LMO7: variants seen among roughly 807,000 people sequenced by gnomAD.
The protein encoded by LMO7 is LIM domain 7.
A neutral mutation model predicts 206.5 loss-of-function variants in LMO7; 120 were observed. That is an observed-to-expected ratio of 0.58 (90% CI 0.50 to 0.68). The LOEUF is 0.68. Ranked by LOEUF, LMO7 falls within the 30% of genes least tolerant of loss-of-function variation. The pLI is 0.00. For synonymous variants in LMO7, 706 were observed against 681.5 expected, an observed-to-expected ratio of 1.04 and a Z score of -0.56; for missense variants, 1,959 against 1,957.9, an observed-to-expected ratio of 1.00 and a Z score of -0.01.
intron 19 of LMO7, 68 bp downstream of exon 19, chr13:75,836,525 A>G (rs2059138177): frequency 1.3e-6 from 1 of 789,382 alleles, no homozygotes; most frequent in Admixed American, 3.3e-5. Context: ...TTCTGCTGTT[A>G]TAAAAATTAA....
At chr13:75,709,922 A>T (rs1566334908) in intron 1 of LMO7, among the ~76,000 whole-genome samples, 1 of 152,086 alleles carries the variant, frequency 6.6e-6, no homozygotes, top group South Asian at 2.1e-4. Flanking sequence ...TAGGGTTTTT[A>T]TGGTTTTAGG....
intron 1 of LMO7, among the ~76,000 whole-genome samples, chr13:75,658,251 G>C (rs1449754501): frequency 6.6e-6 from 1 of 151,962 alleles, no homozygotes; most frequent in Non-Finnish European, 1.5e-5. Context: ...GTGTCAGATA[G>C]GTAGTGTATC....
chr13:75,624,692 G>C (rs961198586), intron 2 of LMO7, among the ~76,000 whole-genome samples: 1 of 152,194 alleles, frequency 6.6e-6, no homozygotes, highest in African/African-American at 2.4e-5. Context: ...CAAGAGAAGA[G>C]AGCTTGTGCA....
chr13:75,811,893 C>T lies in LMO7; in HGVS notation c.1946+2710C>T, dbSNP rs185552089. Among the ~76,000 whole-genome samples, 287 of 152,186 alleles carry T rather than the reference C, an allele frequency of 1.9e-3. 4 individuals carry two copies. Among genetic ancestry groups the T allele is most frequent in the Non-Finnish European group, 6.5e-4 (44 of 68,012 alleles). ...TGCCAGTATTAATAGGAAATGAACACTGATTTCACATGAAGTTGTAATAAA... is the reference window on the plus strand; with the variant it reads ...TGCCAGTATTAATAGGAAATGAACATTGATTTCACATGAAGTTGTAATAAA... On this transcript the variant is annotated intron_variant, in intron 11 of 30. Transcript: ENST00000377534.
chr13:75,758,268 G>T (rs1594767002), intron 3 of LMO7, among the ~76,000 whole-genome samples: 1 of 151,886 alleles, frequency 6.6e-6, no homozygotes, highest in East Asian at 1.9e-4. Flanking sequence ...TGTTGAGCTG[G>T]GTGTGGCTTC....
In LMO7 at chr13:75,853,233, A is replaced by G; in HGVS notation, c.4506A>G (p.Ser1502=). The G allele has an allele frequency of 6.2e-7, 1 of 1,613,928 alleles. No homozygotes were observed. Among genetic ancestry groups the G allele is most frequent in the East Asian group, 2.2e-5 (1 of 44,852 alleles). Residue 1502 remains serine, a synonymous_variant, in exon 28 of 31, where the codon TCA becomes TCG. Transcript: ENST00000377534. ...SRPPPQLVST[S]NRAYMRNPSS... is the part of the protein sequence containing the mutation. Reference sequence around the variant, plus strand: ...CACCACCTCAGCTGGTGTCCACATCAAACCGTGCCTACATGCGGAACCCCT... The same window carrying G: ...CACCACCTCAGCTGGTGTCCACATCGAACCGTGCCTACATGCGGAACCCCT...
intron 2 of LMO7, among the ~76,000 whole-genome samples, chr13:75,628,821 T>C (rs530705676): frequency 3.3e-5 from 5 of 152,330 alleles, no homozygotes; most frequent in Non-Finnish European, 5.9e-5. Context: ...CCTTCTTCCT[T>C]TACAACACAG....
intron 1 of LMO7, among the ~76,000 whole-genome samples, chr13:75,699,174 G>A (rs768431532): frequency 1.2e-4 from 19 of 152,110 alleles, no homozygotes; most frequent in Non-Finnish European, 2.8e-4. Context: ...CCTGATACAA[G>A]GAATGTGTTC....
chr13:75,778,577 C>G (rs1039099945), intron 4 of LMO7, among the ~76,000 whole-genome samples: 3 of 152,180 alleles, frequency 2.0e-5, no homozygotes, highest in African/African-American at 7.2e-5. Context: ...ATGTAAGCAC[C>G]GTAAGGCATA....
chr13:75,806,614 G>A (rs891933183), intron 9 of LMO7: 3 of 152,230 alleles, frequency 2.0e-5, no homozygotes, highest in African/African-American at 7.2e-5. Flanking sequence ...ATAACTTTCA[G>A]GTGGAGACTG....
intron 2 of LMO7, among the ~76,000 whole-genome samples, chr13:75,724,742 T>C (rs999092017): frequency 1.3e-5 from 2 of 152,178 alleles, no homozygotes; most frequent in Admixed American, 1.3e-4. Context: ...TAATTTTTGA[T>C]GATTCAAAAT....
rs763129663 is a variant in LMO7 at position 75,849,066 on chromosome 13, G to A, written c.4151-13G>A. On this transcript the variant is annotated splice_polypyrimidine_tract_variant and intron_variant, in intron 26 of 30. Transcript: ENST00000377534. ...GTACTAATCCCAAAGCTTTTGATTT[G>A]TTTTTAATTTAGGAAACAATAAATA... 1 of 1,510,144 alleles carries A rather than the reference G, an allele frequency of 6.6e-7. No homozygotes were observed. Among genetic ancestry groups the A allele is most frequent in the Non-Finnish European group, 9.2e-7 (1 of 1,090,854 alleles). The allele number at this position is 1,510,144 out of a possible 1,614,324, so 93.5% of individuals were successfully genotyped here.
chr13:75,842,089 G>A (rs573264716), intron 24 of LMO7, 106 bp downstream of exon 24: 3 of 785,322 alleles, frequency 3.8e-6, no homozygotes, highest in Middle Eastern at 3.8e-4. Flanking sequence ...CTCCACACAA[G>A]TGAATACAAG....
chr13:75,642,609 G>GTAAA (rs558800592), intron 1 of LMO7, among the ~76,000 whole-genome samples: 107 of 151,860 alleles, frequency 7.0e-4, no homozygotes, highest in Middle Eastern at 3.4e-3. Context: ...TCTTTAAAAA[G>GTAAA]TAAATAAATA....
At chr13:75,676,747 G>C (rs1041662820) in intron 1 of LMO7, among the ~76,000 whole-genome samples, 1 of 152,200 alleles carries the variant, frequency 6.6e-6, no homozygotes, top group South Asian at 2.1e-4. Flanking sequence ...GGAGTGCTAC[G>C]TAAATAAGTT....
At chr13:75,777,084 T>C (rs566623183) in intron 4 of LMO7, among the ~76,000 whole-genome samples, 17 of 152,334 alleles carry the variant, frequency 1.1e-4, no homozygotes, top group Admixed American at 4.6e-4. Flanking sequence ...CCACATCCGC[T>C]GTCCAGGTGT....
rs76708217 is a variant in LMO7 at position 75,771,725 on chromosome 13, G to C, written c.317+10687G>C. On this transcript the variant is annotated intron_variant, in intron 4 of 30. Coordinates refer to ENST00000377534, the MANE Select transcript of LMO7 (RefSeq NM_001306080.2). ...CTGGGAATAAGTGGTCTTTAAAAAA[G>C]AAAACATAACATGGGATATTATTTT... is the stretch of plus-strand genomic sequence containing the variant. 4.5e-4 allele frequency among the ~76,000 whole-genome samples: 68 copies of C among 151,854 alleles called. No individual in the cohort carries two copies. In the East Asian group the frequency reaches 0.013, roughly 29 times the overall value.
intron 1 of LMO7, among the ~76,000 whole-genome samples, chr13:75,640,640 G>A (rs933981061): frequency 7.9e-5 from 12 of 152,156 alleles, no homozygotes; most frequent in African/African-American, 2.4e-4. Flanking sequence ...CTGAGGGCAG[G>A]AATCGTATCT....
At chr13:75,726,141 C>G (rs1381902057) in intron 2 of LMO7, among the ~76,000 whole-genome samples, 1 of 151,884 alleles carries the variant, frequency 6.6e-6, no homozygotes, top group Non-Finnish European at 1.5e-5. Context: ...AAATTAGTTT[C>G]AAGATATTGT....
Sources: allele counts gnomAD v4.1 joint callset (sites outside exome capture counted in the v4.1 genomes callset), GRCh38; gene constraint gnomAD v4.1.1; transcripts MANE v1.5; gene names NCBI Gene and HGNC (gene_info 2026-07-23, HGNC 2026-07-21).